The following AUTS2 variants were observed in gnomAD, a reference collection of about 807,000 sequenced individuals.
The protein encoded by AUTS2 is activator of transcription and developmental regulator AUTS2, also known as autism susceptibility gene 2 protein.
AUTS2 carries 17 observed loss-of-function variants against 112.4 expected under a neutral mutation model. That is an observed-to-expected ratio of 0.15 (90% CI 0.10 to 0.23). The LOEUF is 0.23. Ranked by LOEUF, AUTS2 falls within the 10% of genes least tolerant of loss-of-function variation. AUTS2 has a pLI of 1.00. For synonymous variants in AUTS2, 751 were observed against 702.7 expected (o/e 1.07, Z -1.09); for missense variants, 1,510 against 1,701.6 (o/e 0.89, Z 1.98).
At chr7:69,977,164 C>T (rs987973419) in intron 2 of AUTS2, among the ~76,000 whole-genome samples, 1 of 152,086 alleles carries the variant, frequency 6.6e-6, no homozygotes, top group Non-Finnish European at 1.5e-5. Flanking sequence ...TGCATGTGAG[C>T]GTCCAGTTTT....
intron 5 of AUTS2, among the ~76,000 whole-genome samples, chr7:70,565,854 G>C (rs185423889): frequency 7.2e-4 from 110 of 152,286 alleles, no homozygotes; most frequent in African/African-American, 2.6e-3. Flanking sequence ...TGAACCCTTT[G>C]TTGTAACTAT....
At chr7:70,300,655 C>T (rs554501342) in intron 4 of AUTS2, among the ~76,000 whole-genome samples, 19 of 152,234 alleles carry the variant, frequency 1.2e-4, no homozygotes, top group Non-Finnish European at 1.5e-4. Context: ...ATCAAGCCAG[C>T]GGTGCCACCA....
At chr7:70,279,136 C>T (rs1788083117) in intron 4 of AUTS2, among the ~76,000 whole-genome samples, 1 of 152,194 alleles carries the variant, frequency 6.6e-6, no homozygotes, top group East Asian at 1.9e-4. Context: ...CTAATAAGCA[C>T]TGAATATCAA....
chr7:70,637,646 C>T (rs978548833), intron 5 of AUTS2, among the ~76,000 whole-genome samples: 3 of 152,222 alleles, frequency 2.0e-5, no homozygotes, highest in Non-Finnish European at 2.9e-5. Context: ...AAGAGGTAGG[C>T]GTTGTTCTTC....
chr7:70,665,996 T>C (rs920343012), intron 5 of AUTS2, among the ~76,000 whole-genome samples: 1 of 152,146 alleles, frequency 6.6e-6, no homozygotes, highest in African/African-American at 2.4e-5. Context: ...CACTGGCGGC[T>C]GGGGGCCTCT....
intron 4 of AUTS2, among the ~76,000 whole-genome samples, chr7:70,284,659 T>C (rs1247281788): frequency 6.6e-6 from 1 of 152,232 alleles, no homozygotes; most frequent in East Asian, 1.9e-4. Flanking sequence ...CAAAAGGTCT[T>C]AATGAACTTC....
At chr7:70,094,597 G>T (rs561703804) in intron 2 of AUTS2, among the ~76,000 whole-genome samples, 1 of 152,152 alleles carries the variant, frequency 6.6e-6, no homozygotes, top group Non-Finnish European at 1.5e-5. Context: ...TACAGCTCTT[G>T]CCCTGCCCTG....
At chr7:69,619,836 G>A (rs1793575140) in intron 1 of AUTS2, among the ~76,000 whole-genome samples, 1 of 152,188 alleles carries the variant, frequency 6.6e-6, no homozygotes, top group East Asian at 1.9e-4. Context: ...GGGTGAGTGG[G>A]TGGTGTTACA....
chr7:69,698,985 C>T (rs894695906), intron 1 of AUTS2, among the ~76,000 whole-genome samples: 3 of 152,178 alleles, frequency 2.0e-5, no homozygotes, highest in East Asian at 3.9e-4. Context: ...TTACATTCTC[C>T]TGTTTATGAT....
chr7:70,660,046 G>A (rs911403301), intron 5 of AUTS2, among the ~76,000 whole-genome samples: 2 of 152,028 alleles, frequency 1.3e-5, no homozygotes, highest in African/African-American at 2.4e-5. Context: ...GCATGGTGAT[G>A]CATGCCTGTA....
In AUTS2 at chr7:70,789,846, G is replaced by C. The variant is rs780708729; in HGVS notation, c.2630G>C (p.Arg877Pro). ...GHTRSSTEQI[R>P]AHLNTEAREK... ...ACCCGCAGCTCCACTGAACAGATCC[G>C]GGCTCATCTGAACACTGAGGCTCGG... The change falls in exon 19 of 19, where the codon CGG becomes CCG. Residue 877 changes from arginine to proline, a missense_variant. This residue lies in a region of AUTS2 where 788 missense variants were observed against 797.6 expected (regional missense o/e 0.99). Transcript: ENST00000342771. The C allele has an allele frequency of 1.9e-6, 3 of 1,614,128 alleles. No homozygotes were observed. The East Asian group carries it at 6.7e-5, about 36-fold the overall frequency.
intron 6 of AUTS2, among the ~76,000 whole-genome samples, chr7:70,762,316 A>C (rs536240626): frequency 1.3e-5 from 2 of 152,274 alleles, no homozygotes; most frequent in Middle Eastern, 3.4e-3. Context: ...GTTTTTTCTC[A>C]TACAGAGACA....
At chr7:70,338,259 G>T (rs1791085859) in intron 4 of AUTS2, among the ~76,000 whole-genome samples, 1 of 152,160 alleles carries the variant, frequency 6.6e-6, no homozygotes, top group African/African-American at 2.4e-5. Flanking sequence ...CAGAGTAAGT[G>T]CCCCTCTAGT....
intron 1 of AUTS2, among the ~76,000 whole-genome samples, chr7:69,852,140 G>A (rs980767716): frequency 2.0e-5 from 3 of 152,058 alleles, no homozygotes; most frequent in South Asian, 4.1e-4. Context: ...TGAAGCTGAG[G>A]AAATTCCTTT....
intron 4 of AUTS2, among the ~76,000 whole-genome samples, chr7:70,264,455 C>T (rs1787323336): frequency 1.3e-5 from 2 of 152,170 alleles, no homozygotes; most frequent in Admixed American, 1.3e-4. Flanking sequence ...ATCTGCCTGC[C>T]TCAGCCTCCC....
intron 2 of AUTS2, among the ~76,000 whole-genome samples, chr7:69,993,601 G>C (rs947737611): frequency 6.6e-6 from 1 of 152,130 alleles, no homozygotes; most frequent in Non-Finnish European, 1.5e-5. Context: ...AGGTATAGTG[G>C]TGTGTACCTG....
chr7:70,157,732 A>C (rs1415428072), intron 4 of AUTS2, among the ~76,000 whole-genome samples: 1 of 152,220 alleles, frequency 6.6e-6, no homozygotes, highest in Non-Finnish European at 1.5e-5. Flanking sequence ...TTTTATAGCA[A>C]ACATGATGTA....
chr7:70,051,956 A>C (rs1563066783), intron 2 of AUTS2, among the ~76,000 whole-genome samples: 2 of 152,202 alleles, frequency 1.3e-5, no homozygotes, highest in Non-Finnish European at 2.9e-5. Context: ...TACCCACTAC[A>C]GCCATTGTGT....
intron 3 of AUTS2, among the ~76,000 whole-genome samples, chr7:70,132,288 T>G (rs1806318208): frequency 6.6e-6 from 1 of 151,862 alleles, no homozygotes; most frequent in African/African-American, 2.4e-5. Flanking sequence ...TTAATGTATA[T>G]GGGGATCTTG....
Sources: gnomAD v4.1 joint callset for allele counts (sites outside exome capture counted in the v4.1 genomes callset) on GRCh38, gnomAD v4.1.1 for gene constraint, gnomAD v4.1.1 regional missense constraint, MANE v1.5 for transcripts, NCBI Gene and HGNC (gene_info 2026-07-23, HGNC 2026-07-21) for gene names.